XYLT1: variants seen among roughly 807,000 people sequenced by gnomAD.
The protein encoded by XYLT1 is beta-D-xylosyltransferase 1.
In XYLT1, 36 loss-of-function variants were observed where a neutral mutation model predicts 91.3. The observed-to-expected ratio is 0.39, with a 90% CI of 0.30 to 0.52. The LOEUF is 0.52. XYLT1 is among the 20% of genes least tolerant of loss of function. XYLT1 has a pLI of 0.68. For missense variants in XYLT1, 1,242 were observed against 1,284.5 expected (o/e 0.97, Z 0.51); for synonymous variants, 588 against 532.0 (o/e 1.11, Z -1.45).
intron 1 of XYLT1, among the ~76,000 whole-genome samples, chr16:17,438,468 C>T (rs187352260): frequency 6.6e-5 from 10 of 152,146 alleles, no homozygotes; most frequent in Admixed American, 2.0e-4. Flanking sequence ...ACATACGCTA[C>T]GTAAGAGTGG....
intron 1 of XYLT1, among the ~76,000 whole-genome samples, chr16:17,370,105 C>T (rs2035511369): frequency 6.6e-6 from 1 of 152,174 alleles, no homozygotes; most frequent in African/African-American, 2.4e-5. Flanking sequence ...CCAGGTCACA[C>T]CAATTTTATA....
intron 3 of XYLT1, among the ~76,000 whole-genome samples, chr16:17,203,690 C>T (rs534712157): frequency 2.0e-5 from 3 of 152,306 alleles, no homozygotes; most frequent in Admixed American, 6.5e-5. Flanking sequence ...ATTTATTCAT[C>T]CATCCAAATC....
At chr16:17,203,272 A>G (rs1173541933) in intron 3 of XYLT1, among the ~76,000 whole-genome samples, 1 of 152,240 alleles carries the variant, frequency 6.6e-6, no homozygotes, top group Non-Finnish European at 1.5e-5. Flanking sequence ...TAACATAGGT[A>G]TTCCAGTATT....
chr16:17,337,271 T>C (rs1389215738), intron 2 of XYLT1, among the ~76,000 whole-genome samples: 1 of 152,108 alleles, frequency 6.6e-6, no homozygotes, highest in Admixed American at 6.6e-5. Context: ...CATTGTAGCC[T>C]CCACCTCCTG....
chr16:17,435,355 C>A (rs2036443275), intron 1 of XYLT1, among the ~76,000 whole-genome samples: 1 of 152,158 alleles, frequency 6.6e-6, no homozygotes, highest in Non-Finnish European at 1.5e-5. Flanking sequence ...GCCATTTGGC[C>A]TTCTGGAACC....
intron 2 of XYLT1, chr16:17,338,615 T>G: frequency 2.5e-6 from 1 of 402,370 alleles, no homozygotes; most frequent in Non-Finnish European, 5.0e-6. Flanking sequence ...ATTCGTGGCC[T>G]GCTCACATTC....
Position 17,139,214 on chromosome 16 carries a change from G to C in XYLT1, c.1588-683C>G, listed in dbSNP as rs1486666082. ...GAGTGAGAGAAAGATTTCTATAATA[G>C]ACAGTCCCAGGCAAATATATTTCCT... On this transcript the variant is annotated intron_variant, in intron 7 of 11. Transcript: ENST00000261381. Among the ~76,000 whole-genome samples the C allele has an allele frequency of 2.6e-5, 4 of 152,186 alleles. No individual in the cohort carries two copies. The East Asian group carries it at 7.7e-4, about 29-fold the overall frequency.
At chr16:17,310,134 T>G (rs1472054999) in intron 2 of XYLT1, among the ~76,000 whole-genome samples, 4 of 152,210 alleles carry the variant, frequency 2.6e-5, no homozygotes, top group Non-Finnish European at 5.9e-5. Context: ...GCTAAAATCC[T>G]TTCCTGATTC....
intron 1 of XYLT1, among the ~76,000 whole-genome samples, chr16:17,358,859 T>C (rs557840173): frequency 6.6e-6 from 1 of 152,188 alleles, no homozygotes; most frequent in South Asian, 2.1e-4. Flanking sequence ...TAATTTCTGG[T>C]TTGAGGAGCA....
chr16:17,353,752 T>C (rs188974640), intron 2 of XYLT1, among the ~76,000 whole-genome samples: 2 of 152,330 alleles, frequency 1.3e-5, no homozygotes, highest in Non-Finnish European at 2.9e-5. Context: ...GGATTGCATA[T>C]ACCAAGCCCA....
At chr16:17,343,193 C>A (rs2035089429) in intron 2 of XYLT1, among the ~76,000 whole-genome samples, 3 of 152,178 alleles carry the variant, frequency 2.0e-5, no homozygotes, top group Non-Finnish European at 2.9e-5. Flanking sequence ...CAACGTCAGC[C>A]CCTGAAGCCA....
chr16:17,396,482 G>A (rs928155682), intron 1 of XYLT1, among the ~76,000 whole-genome samples: 1 of 152,176 alleles, frequency 6.6e-6, no homozygotes, highest in Non-Finnish European at 1.5e-5. Flanking sequence ...ACAGCTCCTG[G>A]CACACAGTAA....
chr16:17,421,428 G>A (rs12444282), intron 1 of XYLT1, among the ~76,000 whole-genome samples: 15,987 of 152,270 alleles, frequency 0.1, 971 homozygotes, highest in Non-Finnish European at 0.15. Flanking sequence ...CAGGCCCTGT[G>A]ACTGCTTTGA....
At chr16:17,337,423 G>A (rs982570916) in intron 2 of XYLT1, among the ~76,000 whole-genome samples, 5 of 152,126 alleles carry the variant, frequency 3.3e-5, no homozygotes, top group African/African-American at 1.2e-4. Context: ...GGGCTCAAGC[G>A]ATTGGCCAGC....
At chr16:17,136,351 G>T (rs8056341) in intron 8 of XYLT1, among the ~76,000 whole-genome samples, 13,251 of 152,132 alleles carry the variant, frequency 0.087, 982 homozygotes, top group African/African-American at 0.19. Flanking sequence ...CCCCCTGATC[G>T]TAAGTACCCT....
rs140976278 is a variant in XYLT1 at position 17,259,194 on chromosome 16, G to A, written c.707C>T (p.Pro236Leu). 100 of 1,612,956 alleles carry A rather than the reference G, an allele frequency of 6.2e-5. No homozygotes were observed. Among genetic ancestry groups the A allele is most frequent in the Admixed American group, 3.2e-4 (19 of 59,810 alleles). ...NSSHGKDVSR[P>L]PHARKTGGSS... ...GCCCCCAGTTTTCCTGGCATGAGGC[G>A]GTCTGGACACATCCTTCCCGTGGCT... is the stretch of plus-strand genomic sequence containing the variant. The change falls in exon 3 of 12, where the codon CCG becomes CTG. Residue 236 changes from proline to leucine, a missense_variant. Transcript: ENST00000261381.
Position 17,470,598 on chromosome 16 carries a change from G to C in XYLT1, c.199C>G (p.Arg67Gly), listed in dbSNP as rs2036975408. 8.6e-7 allele frequency: 1 copy of C among 1,166,268 alleles called. No homozygotes were observed. The highest frequency in any genetic ancestry group is 1.6e-5 in the African/African-American group (1 of 61,410). The allele number at this position is 1,166,268 out of a possible 1,614,324, so 72.2% of individuals were successfully genotyped here. Residue 67 changes from arginine to glycine, a missense_variant, in exon 1 of 12, where the codon CGC (arginine) becomes GGC (glycine). By Grantham distance (125) the Arg-to-Gly change is moderately radical. Coordinates refer to ENST00000261381, the MANE Select transcript of XYLT1 (RefSeq NM_022166.4). The stretch of plus-strand genomic sequence containing the variant: ...GCCGGCTCGGCGGGCAGGTCCCGGC[G>C]CTCCCGGCGCGGGGCCGGGGCCGGG... ...PPPAPAPRRE[R>G]RDLPAEPAAA... is the part of the protein sequence containing the mutation.
intron 1 of XYLT1, among the ~76,000 whole-genome samples, chr16:17,371,712 A>G (rs922954394): frequency 6.6e-6 from 1 of 152,254 alleles, no homozygotes; most frequent in Non-Finnish European, 1.5e-5. Flanking sequence ...CAGGTGCAGC[A>G]TATTTTACTG....
At chr16:17,417,456 T>C (rs568663377) in intron 1 of XYLT1, among the ~76,000 whole-genome samples, 1 of 152,162 alleles carries the variant, frequency 6.6e-6, no homozygotes, top group East Asian at 1.9e-4. Flanking sequence ...CCTCCCTTCT[T>C]CACCTGGTTA....
Sources: allele counts gnomAD v4.1 joint callset (sites outside exome capture counted in the v4.1 genomes callset), GRCh38; gene constraint gnomAD v4.1.1; transcripts MANE v1.5; gene names NCBI Gene and HGNC (gene_info 2026-07-23, HGNC 2026-07-21).